SYK: variants seen among roughly 807,000 people sequenced by gnomAD.
SYK encodes the protein tyrosine-protein kinase SYK.
Under a neutral mutation model 77.8 loss-of-function variants are expected in SYK, and 16 were observed. That is an observed-to-expected ratio of 0.21 (90% CI 0.14 to 0.31). The LOEUF is 0.31. Ranked by LOEUF, SYK falls within the 10% of genes least tolerant of loss-of-function variation. The pLI, the probability that SYK is intolerant of heterozygous loss-of-function variation, is 1.00. For synonymous variants in SYK, 312 were observed against 308.7 expected (o/e 1.01, Z -0.11); for missense variants, 529 against 814.4 (o/e 0.65, Z 4.26).
chr9:90,843,873 G>T lies in SYK; in HGVS notation c.-26G>T. The stretch of plus-strand genomic sequence containing the variant: ...TCTTGCCCAGGTGGACACCTGCGCA[G>T]GTGTGTGCCCTCCGGCCCCTGAAGC... On this transcript the variant is annotated 5_prime_UTR_variant, in exon 2 of 14. In the 5' UTR this introduces an upstream ATG that the reference lacks. Coordinates refer to ENST00000375754, the MANE Select transcript of SYK (RefSeq NM_003177.7). 1 of 1,486,656 alleles carries T rather than the reference G, an allele frequency of 6.7e-7. No homozygotes were observed. Among genetic ancestry groups the T allele is most frequent in the Admixed American group, 2.3e-5 (1 of 43,292 alleles). The allele number at this position is 1,486,656 out of a possible 1,614,324, so 92.1% of individuals were successfully genotyped here. A position where few individuals can be genotyped will look rare whatever the true frequency, so the allele number is the denominator to read the frequency against.
At position 90,863,506 on chromosome 9, in the gene SYK, G is replaced by GA. The variant is rs1182118682; in HGVS notation, c.718-1073dup. On this transcript the variant is annotated intron_variant, in intron 4 of 13. Coordinates refer to ENST00000375754, the MANE Select transcript of SYK (RefSeq NM_003177.7). The stretch of plus-strand genomic sequence containing the variant: ...GATTTGCTTTCTAGTGCTGTAATTG[G>GA]AAAAAAAAAATACTCCTTTTTTGAA... Among the ~76,000 whole-genome samples, 729 of 147,690 alleles carry GA rather than the reference G, an allele frequency of 4.9e-3. 2 individuals carry two copies. Among genetic ancestry groups the GA allele is most frequent in the Middle Eastern group, 0.014 (4 of 292 alleles).
intron 1 of SYK, among the ~76,000 whole-genome samples, chr9:90,825,779 G>A (rs1825648613): frequency 6.6e-6 from 1 of 152,190 alleles, no homozygotes; most frequent in Non-Finnish European, 1.5e-5. Flanking sequence ...ATGTGGTTTT[G>A]GAGACAAGTA....
At chr9:90,891,219 C>T (rs1673178048) in intron 13 of SYK, among the ~76,000 whole-genome samples, 2 of 146,806 alleles carry the variant, frequency 1.4e-5, no homozygotes, top group Non-Finnish European at 3.0e-5. Flanking sequence ...GATCTGGGCT[C>T]ACTGCAAGCT....
chr9:90,856,916 T>G (rs527602759), intron 3 of SYK, among the ~76,000 whole-genome samples: 2 of 152,248 alleles, frequency 1.3e-5, no homozygotes, highest in African/African-American at 2.4e-5. Context: ...GGATTTCCTC[T>G]TCACAGGTCC....
chr9:90,802,455 T>C (rs1458380059), intron 1 of SYK, among the ~76,000 whole-genome samples: 1 of 152,218 alleles, frequency 6.6e-6, no homozygotes, highest in Non-Finnish European at 1.5e-5. Flanking sequence ...AAATTTAGCA[T>C]AATTACTCTT....
At chr9:90,813,591 G>A (rs545408143) in intron 1 of SYK, among the ~76,000 whole-genome samples, 1 of 152,230 alleles carries the variant, frequency 6.6e-6, no homozygotes, top group East Asian at 1.9e-4. Context: ...CTAACCCTTG[G>A]GTTGCTATCA....
At chr9:90,865,765 A>G (rs935180237) in intron 6 of SYK, among the ~76,000 whole-genome samples, 4 of 152,080 alleles carry the variant, frequency 2.6e-5, no homozygotes, top group Admixed American at 6.5e-5. Context: ...TGAGCCGTCT[A>G]TGTTAACACA....
intron 1 of SYK, among the ~76,000 whole-genome samples, chr9:90,840,531 A>T (rs1333813977): frequency 1.4e-5 from 2 of 145,420 alleles, no homozygotes; most frequent in Non-Finnish European, 3.0e-5. Context: ...ATCCTGGCTA[A>T]TGCGGTGAAA....
chr9:90,886,589 C>T (rs987432421), intron 11 of SYK, among the ~76,000 whole-genome samples: 4 of 152,158 alleles, frequency 2.6e-5, no homozygotes, highest in African/African-American at 9.7e-5. Context: ...CCTGTCATCC[C>T]AGCTACCTGG....
At position 90,870,716 on chromosome 9, in the gene SYK, G is replaced by A. The variant is rs551899451; in HGVS notation, c.916-3488G>A. Reference sequence around the variant, plus strand: ...CAACAGTCTGCCCTCGCCTGTGGGGGTCTACTGAACCAGGGTAATTCCACC... The same window carrying A: ...CAACAGTCTGCCCTCGCCTGTGGGGATCTACTGAACCAGGGTAATTCCACC... On this transcript the variant is annotated intron_variant, in intron 7 of 13. Coordinates refer to ENST00000375754, the MANE Select transcript of SYK (RefSeq NM_003177.7). 2.0e-5 allele frequency among the ~76,000 whole-genome samples: 3 copies of A among 152,236 alleles called. No individual in the cohort carries two copies. The South Asian group carries it at 6.2e-4, about 32-fold the overall frequency.
At chr9:90,825,997 G>A (rs943495605) in intron 1 of SYK, among the ~76,000 whole-genome samples, 1 of 152,180 alleles carries the variant, frequency 6.6e-6, no homozygotes, top group African/African-American at 2.4e-5. Context: ...AGGTCAGGGT[G>A]GAACCCTAAG....
At chr9:90,867,017 G>A in intron 6 of SYK, 114 bp from the exon 7 acceptor site, 1 of 1,124,090 alleles carries the variant, frequency 8.9e-7, no homozygotes, top group Non-Finnish European at 1.3e-6. Context: ...GGCAGGGACA[G>A]GAGGGGGTTA....
intron 1 of SYK, among the ~76,000 whole-genome samples, chr9:90,822,489 C>T (rs545831134): frequency 2.6e-5 from 4 of 152,360 alleles, no homozygotes; most frequent in African/African-American, 9.6e-5. Flanking sequence ...CTAATTATCA[C>T]ACACTTTTCT....
chr9:90,882,361 T>C (rs1587909766), intron 11 of SYK, among the ~76,000 whole-genome samples: 1 of 152,256 alleles, frequency 6.6e-6, no homozygotes, highest in East Asian at 1.9e-4. Context: ...TCCAGATTGA[T>C]GTCCTGAATG....
intron 6 of SYK, 99 bp from the exon 7 acceptor site, chr9:90,867,032 T>G (rs2118825200): frequency 7.5e-7 from 1 of 1,327,504 alleles, no homozygotes; most frequent in Admixed American, 1.7e-5. Flanking sequence ...GGGTTAGTGG[T>G]GCGATTATAG....
At chr9:90,859,602 TA>T (rs1827173033) in intron 3 of SYK, among the ~76,000 whole-genome samples, 1 of 152,198 alleles carries the variant, frequency 6.6e-6, no homozygotes. Flanking sequence ...TTCATACACC[TA>T]GGGGTGGAAT....
At position 90,864,026 on chromosome 9, in the gene SYK, G is replaced by A. The variant is rs866999743; in HGVS notation, c.718-563G>A. On this transcript the variant is annotated intron_variant, in intron 4 of 13. Coordinates refer to ENST00000375754, the MANE Select transcript of SYK (RefSeq NM_003177.7). ...CTAGGCACTGTGTTTAGGAAACTACGTCAAAAATGCCAGCAATACGTTCCA... is the reference window on the plus strand; with the variant it reads ...CTAGGCACTGTGTTTAGGAAACTACATCAAAAATGCCAGCAATACGTTCCA... 9.9e-5 allele frequency among the ~76,000 whole-genome samples: 15 copies of A among 152,228 alleles called. 1 individual carries two copies. Among genetic ancestry groups the A allele is most frequent in the Non-Finnish European group, 7.4e-5 (5 of 68,006 alleles).
chr9:90,834,195 CAT>C (rs1486260736), intron 1 of SYK, among the ~76,000 whole-genome samples: 1 of 152,086 alleles, frequency 6.6e-6, no homozygotes, highest in African/African-American at 2.4e-5. Flanking sequence ...CATGCACACA[CAT>C]GTGTGCACAC....
At chr9:90,858,285 C>T (rs1245054174) in intron 3 of SYK, among the ~76,000 whole-genome samples, 2 of 152,230 alleles carry the variant, frequency 1.3e-5, no homozygotes, top group Non-Finnish European at 2.9e-5. Flanking sequence ...GGAAAGTAGA[C>T]ATGCCGCAGG....
Sources: gnomAD v4.1 joint callset for allele counts (sites outside exome capture counted in the v4.1 genomes callset) on GRCh38, gnomAD v4.1.1 for gene constraint, MANE v1.5 for transcripts, NCBI Gene and HGNC (gene_info 2026-07-23, HGNC 2026-07-21) for gene names.